DOCK3: variants seen among roughly 807,000 people sequenced by gnomAD.
DOCK3 encodes the protein dedicator of cytokinesis 3.
Under a neutral mutation model 265.6 loss-of-function variants are expected in DOCK3, and 60 were observed. The observed-to-expected ratio is 0.23, with a 90% CI of 0.18 to 0.28. The LOEUF is 0.28. Among genes scored for constraint, DOCK3 ranks in the 10% least tolerant of loss-of-function variants. The pLI, the probability that DOCK3 is intolerant of heterozygous loss-of-function variation, is 1.00. For missense variants in DOCK3, 1,981 were observed against 2,594.3 expected (o/e 0.76, Z 5.14); for synonymous variants, 881 against 938.0 (o/e 0.94, Z 1.11).
intron 25 of DOCK3, among the ~76,000 whole-genome samples, chr3:51,276,123 TA>T (rs1191496647): frequency 6.6e-6 from 1 of 152,120 alleles, no homozygotes; most frequent in Admixed American, 6.6e-5. Context: ...AGAGGCACCT[TA>T]AAAAAAGAGT....
intron 38 of DOCK3, among the ~76,000 whole-genome samples, chr3:51,348,119 T>TA (rs1560479084): frequency 2.0e-5 from 3 of 151,954 alleles, no homozygotes. Flanking sequence ...GAGGTATATA[T>TA]TTTTTTTAAA....
At chr3:50,725,894 C>T (rs1454566359) in intron 1 of DOCK3, among the ~76,000 whole-genome samples, 1 of 152,006 alleles carries the variant, frequency 6.6e-6, no homozygotes, top group Non-Finnish European at 1.5e-5. Context: ...TACAGTCATC[C>T]CTTGGTATCT....
chr3:51,104,057 A>G (rs6793648), intron 9 of DOCK3, among the ~76,000 whole-genome samples: 137,200 of 152,252 alleles, frequency 0.9, 62,014 homozygotes, highest in African/African-American at 0.95. Context: ...GAAATTTTTG[A>G]TAGGATAAAT....
At chr3:51,029,939 T>A (rs749439457) in intron 5 of DOCK3, among the ~76,000 whole-genome samples, 5 of 151,890 alleles carry the variant, frequency 3.3e-5, no homozygotes, top group Admixed American at 6.6e-5. Context: ...AGATCTCTAA[T>A]TGCCACCTAT....
chr3:51,290,044 G>A (rs1326301565), intron 27 of DOCK3, among the ~76,000 whole-genome samples: 2 of 152,152 alleles, frequency 1.3e-5, no homozygotes, highest in African/African-American at 4.8e-5. Context: ...AACAGGTGCT[G>A]GAGAGGATGT....
intron 3 of DOCK3, among the ~76,000 whole-genome samples, chr3:50,857,077 G>C (rs2046635967): frequency 6.6e-6 from 1 of 152,170 alleles, no homozygotes; most frequent in African/African-American, 2.4e-5. Flanking sequence ...CAGTTTGCTA[G>C]TAGTTTGTTG....
intron 3 of DOCK3, among the ~76,000 whole-genome samples, chr3:50,886,191 T>G (rs1375121018): frequency 1.4e-5 from 2 of 142,114 alleles, no homozygotes; most frequent in East Asian, 2.0e-4. Context: ...TTTGGAGATA[T>G]ATATATATAT....
At chr3:51,250,873 T>A (rs957079758) in intron 22 of DOCK3, among the ~76,000 whole-genome samples, 1 of 152,204 alleles carries the variant, frequency 6.6e-6, no homozygotes, top group Non-Finnish European at 1.5e-5. Context: ...TTTGTTTTTT[T>A]ATTATTGTTA....
chr3:50,905,076 G>T (rs1474063834), intron 4 of DOCK3, among the ~76,000 whole-genome samples: 2 of 151,974 alleles, frequency 1.3e-5, no homozygotes, highest in Non-Finnish European at 2.9e-5. Flanking sequence ...GGTTGTAGAT[G>T]TGTGGTATTA....
At chr3:51,221,624 T>C (rs1339460027) in intron 14 of DOCK3, among the ~76,000 whole-genome samples, 3 of 152,228 alleles carry the variant, frequency 2.0e-5, no homozygotes, top group East Asian at 3.8e-4. Context: ...ACAGATACTT[T>C]ATTCCGAGAC....
intron 5 of DOCK3, among the ~76,000 whole-genome samples, chr3:50,934,335 C>A (rs1286735404): frequency 6.6e-6 from 1 of 152,148 alleles, no homozygotes; most frequent in East Asian, 1.9e-4. Flanking sequence ...CTGTCTTACT[C>A]ATTGTTGTGT....
At position 51,146,532 on chromosome 3, in the gene DOCK3, T is replaced by C; in HGVS notation, c.747-17T>C. 6.3e-7 allele frequency: 1 copy of C among 1,578,054 alleles called. No homozygotes were observed. On this transcript the variant is annotated splice_polypyrimidine_tract_variant and intron_variant, in intron 9 of 52. Transcript: ENST00000266037. ...TGTTACTCACATTTCTCTATATCTT[T>C]CTTTCCTACATTTCAGTGAGCGGTT...
intron 1 of DOCK3, among the ~76,000 whole-genome samples, chr3:50,771,226 A>T (rs914324350): frequency 6.6e-6 from 1 of 152,248 alleles, no homozygotes; most frequent in Non-Finnish European, 1.5e-5. Flanking sequence ...ACCAGAATAT[A>T]TAAGGAGCTC....
At chr3:51,185,499 G>A (rs182724143) in intron 12 of DOCK3, among the ~76,000 whole-genome samples, 1 of 152,274 alleles carries the variant, frequency 6.6e-6, no homozygotes, top group Admixed American at 6.5e-5. Flanking sequence ...CAAACAAAAT[G>A]TACGTTCAGA....
intron 6 of DOCK3, among the ~76,000 whole-genome samples, chr3:51,072,796 C>T (rs537071267): frequency 1.3e-5 from 2 of 152,204 alleles, no homozygotes; most frequent in East Asian, 3.9e-4. Flanking sequence ...GCCTCAAACT[C>T]CTGGCTCAAG....
Position 51,016,216 on chromosome 3 carries a change from CAT to C in DOCK3, c.316-48223_316-48222del, listed in dbSNP as rs1491538976. ...TCTACATATATATCATATATTTCTA[CAT>C]ATATATATCATATATTTCTACATAT... On this transcript the variant is annotated intron_variant, in intron 5 of 52. Coordinates refer to ENST00000266037, the MANE Select transcript of DOCK3 (RefSeq NM_004947.5). 5.0e-3 allele frequency among the ~76,000 whole-genome samples: 7 copies of C among 1,396 alleles called. 2 individuals are homozygous for C. Among genetic ancestry groups the C allele is most frequent in the Non-Finnish European group, 7.2e-3 (7 of 966 alleles). The allele number at this position is 1,396 out of a possible 152,430, so 0.9% of individuals were successfully genotyped here.
intron 27 of DOCK3, among the ~76,000 whole-genome samples, chr3:51,297,590 A>G (rs1463767291): frequency 6.6e-6 from 1 of 152,150 alleles, no homozygotes; most frequent in Non-Finnish European, 1.5e-5. Flanking sequence ...ACTCCACATT[A>G]TTACTCATTA....
intron 5 of DOCK3, among the ~76,000 whole-genome samples, chr3:51,059,028 C>T (rs1030700509): frequency 6.6e-6 from 1 of 152,202 alleles, no homozygotes; most frequent in Middle Eastern, 3.4e-3. Context: ...TCCCCTCACA[C>T]GGGTAGTGAA....
intron 12 of DOCK3, among the ~76,000 whole-genome samples, chr3:51,206,819 AAG>A (rs1247963388): frequency 6.6e-6 from 1 of 152,210 alleles, no homozygotes; most frequent in Non-Finnish European, 1.5e-5. Context: ...ACCGGTCCAG[AAG>A]AGAGATGATA....
Sources: gnomAD v4.1 joint callset for allele counts (sites outside exome capture counted in the v4.1 genomes callset) on GRCh38, gnomAD v4.1.1 for gene constraint, MANE v1.5 for transcripts, NCBI Gene and HGNC (gene_info 2026-07-23, HGNC 2026-07-21) for gene names.